The following NDUFA8 variants were observed in gnomAD, a reference collection of about 807,000 sequenced individuals.
The protein encoded by NDUFA8 is NADH dehydrogenase [ubiquinone] 1 alpha subcomplex subunit 8.
A neutral mutation model predicts 20.9 loss-of-function variants in NDUFA8; 16 were observed. The ratio of observed to expected loss-of-function variants is 0.77; its 90% CI spans 0.52 to 1.16. NDUFA8 has a LOEUF of 1.16. Ranked by LOEUF, NDUFA8 falls within the 50% of genes most tolerant of loss-of-function variation. The probability of loss-of-function intolerance (pLI) is 0.00; values close to 1 mark genes in which losing one functional copy is unlikely to be tolerated. For synonymous variants in NDUFA8, 70 were observed against 76.1 expected, an observed-to-expected ratio of 0.92 and a Z score of 0.41; for missense variants, 202 against 216.4, an observed-to-expected ratio of 0.93 and a Z score of 0.42.
At chr9:122,147,617 A>ATTTTTTTTTTTTTTTTTTTTTTTTTTTTT in intron 3 of NDUFA8, among the ~76,000 whole-genome samples, 1 of 106,762 alleles carries the variant, frequency 9.4e-6, no homozygotes, top group Non-Finnish European at 1.8e-5. Flanking sequence ...GCCTAAAGAA[A>ATTTTTTTTTTTTTTTTTTTTTTTTTTTTT]TTTTTTTTTT....
intron 1 of NDUFA8, among the ~76,000 whole-genome samples, chr9:122,157,517 C>T (rs771746102): frequency 2.6e-5 from 4 of 152,102 alleles, no homozygotes; most frequent in African/African-American, 7.2e-5. Flanking sequence ...TGTAATTATT[C>T]GTATGTTCAT....
chr9:122,152,526 C>A, intron 1 of NDUFA8, 118 bp from the exon 2 acceptor site: 6 of 927,532 alleles, frequency 6.5e-6, no homozygotes, highest in South Asian at 3.0e-5. Context: ...CTGACTTTAC[C>A]AAGAAAATTA....
chr9:122,142,785 A>G (rs2118690668), downstream of NDUFA8, among the ~76,000 whole-genome samples: 1 of 152,248 alleles, frequency 6.6e-6, no homozygotes, highest in African/African-American at 2.4e-5. Flanking sequence ...TGCAGAAGGA[A>G]CCTAGGAAGC....
At chr9:122,146,430 CATGTAT>C (rs549290667) in intron 3 of NDUFA8, among the ~76,000 whole-genome samples, 37 of 152,232 alleles carry the variant, frequency 2.4e-4, no homozygotes, top group Middle Eastern at 6.8e-3. Context: ...TTATTTGTTA[CATGTAT>C]AAGTTCTACC....
At chr9:122,148,020 A>G (rs925626605) in intron 3 of NDUFA8, 92 bp downstream of exon 3, 1 of 1,427,710 alleles carries the variant, frequency 7.0e-7, no homozygotes, top group African/African-American at 1.4e-5. Context: ...CTTACATCAT[A>G]TCTGTATTTA....
the NDUFA8 span, among the ~76,000 whole-genome samples, chr9:122,138,581 T>C: frequency 6.6e-6 from 1 of 152,212 alleles, no homozygotes; most frequent in Non-Finnish European, 1.5e-5. Context: ...AACGATTAAC[T>C]AGGCTACTCT....
At chr9:122,157,234 C>T (rs535767863) in intron 1 of NDUFA8, among the ~76,000 whole-genome samples, 5 of 152,324 alleles carry the variant, frequency 3.3e-5, no homozygotes, top group South Asian at 2.1e-4. Context: ...TCTTCATCTC[C>T]GCCCATAAAT....
chr9:122,150,410 C>CAAA (rs60728190), intron 2 of NDUFA8, among the ~76,000 whole-genome samples: 8 of 19,652 alleles, frequency 4.1e-4, no homozygotes, highest in Admixed American at 7.6e-4. Flanking sequence ...CACCCCATCA[C>CAAA]AAAAAAAAAA....
At chr9:122,145,960 G>A (rs1048529538) in intron 3 of NDUFA8, among the ~76,000 whole-genome samples, 1 of 151,650 alleles carries the variant, frequency 6.6e-6, no homozygotes, top group African/African-American at 2.4e-5. Context: ...ACCAGCCCAG[G>A]CAACATGGTG....
chr9:122,149,693 C>T (rs528204969), intron 2 of NDUFA8, among the ~76,000 whole-genome samples: 2 of 152,362 alleles, frequency 1.3e-5, no homozygotes, highest in South Asian at 4.1e-4. Flanking sequence ...TGCTGTGGCT[C>T]ATGCCTGTAA....
At chr9:122,152,212 A>C (rs1364415113) in intron 2 of NDUFA8, 33 bp downstream of exon 2, 1 of 1,613,614 alleles carries the variant, frequency 6.2e-7, no homozygotes, top group East Asian at 2.2e-5. Flanking sequence ...TTTATGCTTC[A>C]ACCAAGTAGG....
At chr9:122,148,025 T>G in intron 3 of NDUFA8, 87 bp downstream of exon 3, 3 of 1,481,124 alleles carry the variant, frequency 2.0e-6, no homozygotes, top group Non-Finnish European at 2.8e-6. Flanking sequence ...ATCATATCTG[T>G]ATTTACAGAG....
chr9:122,136,736 T>C, the NDUFA8 span, among the ~76,000 whole-genome samples: 1 of 152,266 alleles, frequency 6.6e-6, no homozygotes, highest in East Asian at 1.9e-4. Context: ...TTTGTATTTT[T>C]AGTAGAGACA....
At chr9:122,155,515 T>C (rs1333608605) in intron 1 of NDUFA8, among the ~76,000 whole-genome samples, 2 of 152,264 alleles carry the variant, frequency 1.3e-5, no homozygotes. Flanking sequence ...GCAACTGTTA[T>C]AATTATCAAA....
the NDUFA8 span, among the ~76,000 whole-genome samples, chr9:122,133,913 TC>T: frequency 1.3e-5 from 2 of 152,244 alleles, no homozygotes; most frequent in African/African-American, 4.8e-5. Flanking sequence ...ACCCCATCCC[TC>T]CCCACCTCCT....
chr9:122,138,629 C>CA, the NDUFA8 span, among the ~76,000 whole-genome samples: 5 of 152,142 alleles, frequency 3.3e-5, no homozygotes, highest in Non-Finnish European at 7.4e-5. Context: ...ATTCATTCAA[C>CA]AAACAGTTAT....
chr9:122,139,963 G>A (rs909861057), downstream of NDUFA8, among the ~76,000 whole-genome samples: 2 of 152,216 alleles, frequency 1.3e-5, no homozygotes, highest in Non-Finnish European at 2.9e-5. Context: ...AAAGTGCTGG[G>A]ATTACAGGCG....
intron 1 of NDUFA8, among the ~76,000 whole-genome samples, chr9:122,159,234 G>T (rs971753251): frequency 6.6e-6 from 1 of 152,250 alleles, no homozygotes; most frequent in Non-Finnish European, 1.5e-5. Context: ...ACCACTTTAA[G>T]GTAGATGACC....
chr9:122,133,185 C>G, the NDUFA8 span, among the ~76,000 whole-genome samples: 1 of 152,172 alleles, frequency 6.6e-6, no homozygotes, highest in African/African-American at 2.4e-5. Context: ...ACCCAGGTCC[C>G]TCCGATCCCA....
Sources: gnomAD v4.1 joint callset for allele counts (sites outside exome capture counted in the v4.1 genomes callset) on GRCh38, gnomAD v4.1.1 for gene constraint, MANE v1.5 for transcripts, NCBI Gene and HGNC (gene_info 2026-07-23, HGNC 2026-07-21) for gene names.